SMAP1: variants seen among roughly 807,000 people sequenced by gnomAD.
SMAP1 encodes stromal membrane-associated protein 1.
A neutral mutation model predicts 58.5 loss-of-function variants in SMAP1; 24 were observed. The observed-to-expected ratio is 0.41, with a 90% CI of 0.30 to 0.58. The LOEUF is 0.58. Ranked by LOEUF, SMAP1 falls within the 20% of genes least tolerant of loss-of-function variation. The probability of loss-of-function intolerance (pLI) is 0.29; values close to 1 mark genes in which losing one functional copy is unlikely to be tolerated. For synonymous variants in SMAP1, 216 were observed against 196.6 expected, an observed-to-expected ratio of 1.10 and a Z score of -0.82; for missense variants, 563 against 566.3, an observed-to-expected ratio of 0.99 and a Z score of 0.06.
intron 8 of SMAP1, 40 bp downstream of exon 8, chr6:70,852,704 T>A: frequency 6.8e-7 from 1 of 1,475,142 alleles, no homozygotes. Context: ...TCACTGCTTA[T>A]TTCCTTTTTG....
intron 6 of SMAP1, among the ~76,000 whole-genome samples, chr6:70,805,719 A>G (rs1314566212): frequency 6.6e-6 from 1 of 152,152 alleles, no homozygotes; most frequent in African/African-American, 2.4e-5. Context: ...CATTGATGCT[A>G]TTCCTTTCTG....
intron 2 of SMAP1, among the ~76,000 whole-genome samples, chr6:70,746,207 A>C (rs556262046): frequency 6.6e-6 from 1 of 152,196 alleles, no homozygotes; most frequent in East Asian, 1.9e-4. Flanking sequence ...TTCCAACACT[A>C]TGTTGAATAG....
chr6:70,710,703 C>T (rs1768021515), intron 1 of SMAP1, among the ~76,000 whole-genome samples: 1 of 151,914 alleles, frequency 6.6e-6, no homozygotes. Context: ...GATAAATTAA[C>T]CTTAGCTTAC....
intron 6 of SMAP1, among the ~76,000 whole-genome samples, chr6:70,803,487 T>C (rs1417458595): frequency 6.6e-6 from 1 of 152,332 alleles, no homozygotes; most frequent in East Asian, 1.9e-4. Flanking sequence ...TTTGTGTCTC[T>C]ATTTCCTTCA....
intron 3 of SMAP1, 100 bp downstream of exon 3, chr6:70,755,165 C>T (rs1766435609): frequency 3.3e-6 from 3 of 912,390 alleles, no homozygotes; most frequent in Non-Finnish European, 5.1e-6. Flanking sequence ...TGAACTTTAT[C>T]ACGCTACTGT....
intron 6 of SMAP1, among the ~76,000 whole-genome samples, chr6:70,799,429 G>A (rs766502399): frequency 2.3e-4 from 35 of 152,048 alleles, no homozygotes; most frequent in Non-Finnish European, 4.6e-4. Flanking sequence ...GTGATTAGGC[G>A]AACTACAGCT....
intron 4 of SMAP1, among the ~76,000 whole-genome samples, chr6:70,788,729 A>T (rs1768200047): frequency 6.6e-6 from 1 of 152,210 alleles, no homozygotes; most frequent in Admixed American, 6.5e-5. Flanking sequence ...ATATGAATGT[A>T]GCCAGGGGAG....
At chr6:70,771,162 G>C (rs955143021) in intron 3 of SMAP1, among the ~76,000 whole-genome samples, 3 of 152,280 alleles carry the variant, frequency 2.0e-5, no homozygotes, top group East Asian at 3.9e-4. Flanking sequence ...TGCCCCTACT[G>C]GGGGGTGCCT....
At chr6:70,705,795 A>G (rs1244573177) in intron 1 of SMAP1, among the ~76,000 whole-genome samples, 1 of 152,182 alleles carries the variant, frequency 6.6e-6, no homozygotes, top group East Asian at 1.9e-4. Flanking sequence ...CCAACCCTAC[A>G]AGGTATAGAT....
intron 4 of SMAP1, among the ~76,000 whole-genome samples, chr6:70,790,557 C>G (rs186795440): frequency 1.3e-5 from 2 of 151,932 alleles, no homozygotes; most frequent in African/African-American, 4.8e-5. Context: ...TATTTTCTAT[C>G]CTGTGTAACT....
At position 70,852,543 on chromosome 6, in the gene SMAP1, G is replaced by A; in HGVS notation, c.668G>A (p.Gly223Asp). The change falls in exon 8 of 11, where the codon GGC becomes GAC. Residue 223 changes from glycine to aspartate, a missense_variant. Gly to Asp is a moderately conservative substitution (Grantham distance 94). Transcript: ENST00000370455. ...CGAGAATCTATATTCTTTTCAGATGGCCCTGCTGTGGCACCAGTGACCAAC... is the reference window on the plus strand; with the variant it reads ...CGAGAATCTATATTCTTTTCAGATGACCCTGCTGTGGCACCAGTGACCAAC... ...EPTVDLLGLDGPAVAPVTNGN... is the reference protein window; with the variant it reads ...EPTVDLLGLDDPAVAPVTNGN... 2 of 1,587,796 alleles carry A rather than the reference G, an allele frequency of 1.3e-6. No individual in the cohort carries two copies. Among genetic ancestry groups the A allele is most frequent in the Non-Finnish European group, 1.7e-6 (2 of 1,167,934 alleles).
At position 70,860,821 on chromosome 6, in the gene SMAP1, T is replaced by TCATTCACTTCA. The variant is rs1307315996; in HGVS notation, c.*489_*499dup. The TCATTCACTTCA allele has an allele frequency of 7.6e-6, 3 of 396,970 alleles. No individual in the cohort carries two copies. Among genetic ancestry groups the TCATTCACTTCA allele is most frequent in the Non-Finnish European group, 1.3e-5 (3 of 224,902 alleles). 24.6% of individuals were successfully genotyped at this position (396,970 alleles called of 1,614,324 possible). A position where few individuals can be genotyped will look rare whatever the true frequency, so the allele number is the denominator to read the frequency against. On this transcript the variant is annotated 3_prime_UTR_variant, in exon 11 of 11. Transcript: ENST00000370455. Reference sequence around the variant, plus strand: ...AGTGTATCAAAATGCTCTTATTTCATCATTCACTTCACTGTGCTGTTGTTA... The same window carrying TCATTCACTTCA: ...AGTGTATCAAAATGCTCTTATTTCATCATTCACTTCACATTCACTTCACTGTGCTGTTGTTA...
intron 7 of SMAP1, among the ~76,000 whole-genome samples, chr6:70,849,430 T>TA (rs57793593): frequency 5.3e-5 from 8 of 151,652 alleles, no homozygotes; most frequent in East Asian, 3.9e-4. Flanking sequence ...GTAATAATAA[T>TA]AAAAAAAACA....
chr6:70,738,729 A>T (rs181217127), intron 2 of SMAP1, among the ~76,000 whole-genome samples: 199 of 152,338 alleles, frequency 1.3e-3, no homozygotes, highest in African/African-American at 3.6e-3. Flanking sequence ...TACAGAGTGA[A>T]CAGGCAAAAG....
At chr6:70,682,141 TA>T (rs1323239896) in intron 1 of SMAP1, among the ~76,000 whole-genome samples, 2 of 149,228 alleles carry the variant, frequency 1.3e-5, no homozygotes, top group East Asian at 2.0e-4. Flanking sequence ...TGGGACATCA[TA>T]GGGGATTTAA....
At chr6:70,741,109 AC>A (rs1474435645) in intron 2 of SMAP1, among the ~76,000 whole-genome samples, 1 of 151,844 alleles carries the variant, frequency 6.6e-6, no homozygotes, top group Admixed American at 6.6e-5. Context: ...ATACCATTCC[AC>A]CCTTGGCCCC....
intron 1 of SMAP1, among the ~76,000 whole-genome samples, chr6:70,722,323 A>G (rs980406096): frequency 3.3e-5 from 5 of 152,168 alleles, no homozygotes; most frequent in African/African-American, 1.2e-4. Context: ...TGTTTTTGCC[A>G]TTTGACCCTT....
intron 8 of SMAP1, among the ~76,000 whole-genome samples, chr6:70,853,389 C>T (rs1452128226): frequency 6.6e-6 from 1 of 152,054 alleles, no homozygotes; most frequent in Non-Finnish European, 1.5e-5. Flanking sequence ...AAGATTCTAT[C>T]TTAAGTTTAT....
At chr6:70,798,592 G>T (rs1582209901) in intron 5 of SMAP1, 65 bp from the exon 6 acceptor site, 1 of 1,239,080 alleles carries the variant, frequency 8.1e-7, no homozygotes, top group South Asian at 1.5e-5. Flanking sequence ...AAACTAATAA[G>T]GATGAGTCAA....
Sources: allele counts gnomAD v4.1 joint callset (sites outside exome capture counted in the v4.1 genomes callset), GRCh38; gene constraint gnomAD v4.1.1; transcripts MANE v1.5; gene names NCBI Gene and HGNC (gene_info 2026-07-23, HGNC 2026-07-21).